VSTM2L: variants seen among roughly 807,000 people sequenced by gnomAD.
VSTM2L encodes V-set and transmembrane domain containing 2 like.
A neutral mutation model predicts 19.9 loss-of-function variants in VSTM2L; 9 were observed. The ratio of observed to expected loss-of-function variants is 0.45; its 90% CI spans 0.27 to 0.79. The LOEUF is 0.79. VSTM2L is among the 30% of genes least tolerant of loss of function. VSTM2L has a pLI of 0.15. For missense variants in VSTM2L, 286 were observed against 295.5 expected, an observed-to-expected ratio of 0.97 and a Z score of 0.24; for synonymous variants, 127 against 133.8, an observed-to-expected ratio of 0.95 and a Z score of 0.35.
intron 1 of VSTM2L, among the ~76,000 whole-genome samples, chr20:37,930,823 T>A (rs1460854876): frequency 1.3e-5 from 2 of 152,104 alleles, no homozygotes; most frequent in African/African-American, 4.8e-5. Context: ...ACCCATTCCA[T>A]CCGCCGAGCA....
At chr20:37,936,788 C>T (rs868744512) in intron 3 of VSTM2L, among the ~76,000 whole-genome samples, 35 of 152,182 alleles carry the variant, frequency 2.3e-4, no homozygotes, top group African/African-American at 8.0e-4. Context: ...TATATGAAAA[C>T]GCTTTGGAAA....
At position 37,913,992 on chromosome 20, in the gene VSTM2L, G is replaced by A. The variant is rs118089591; in HGVS notation, c.121+10521G>A. On this transcript the variant is annotated intron_variant, in intron 1 of 3. Coordinates refer to ENST00000373461, the MANE Select transcript of VSTM2L (RefSeq NM_080607.3). ...TGGATGCGGGCGTGCACGGACAGGA[G>A]AGGCTGCTCCCGGGAAGGCGCTGAG... 6.1e-3 allele frequency among the ~76,000 whole-genome samples: 930 copies of A among 152,244 alleles called. 4 individuals carry two copies. Among genetic ancestry groups the A allele is most frequent in the Middle Eastern group, 0.014 (4 of 294 alleles).
chr20:37,923,820 C>T (rs2072865443), intron 1 of VSTM2L, among the ~76,000 whole-genome samples: 1 of 152,222 alleles, frequency 6.6e-6, no homozygotes, highest in South Asian at 2.1e-4. Flanking sequence ...ACCATTTACT[C>T]AGTCTGTGGC....
At chr20:37,931,607 G>A (rs377100539) in intron 1 of VSTM2L, 28 bp from the exon 2 acceptor site, 441 of 1,550,432 alleles carry the variant, frequency 2.8e-4, no homozygotes, top group Non-Finnish European at 3.7e-4. Flanking sequence ...CCTGAGCCCC[G>A]CCATTCTTCC....
intron 3 of VSTM2L, among the ~76,000 whole-genome samples, chr20:37,938,404 T>A (rs916451949): frequency 4.6e-5 from 7 of 152,176 alleles, no homozygotes; most frequent in African/African-American, 1.7e-4. Flanking sequence ...GGGCCCAGCC[T>A]GGGGCAGGAG....
chr20:37,930,741 C>A (rs935931753), intron 1 of VSTM2L, among the ~76,000 whole-genome samples: 1 of 152,072 alleles, frequency 6.6e-6, no homozygotes, highest in Non-Finnish European at 1.5e-5. Context: ...GAGAGCTGGG[C>A]TCTGCATGGG....
intron 1 of VSTM2L, among the ~76,000 whole-genome samples, chr20:37,929,806 G>T (rs1213272248): frequency 6.6e-6 from 1 of 151,956 alleles, no homozygotes; most frequent in Non-Finnish European, 1.5e-5. Context: ...AAGGGAGAGT[G>T]GAGGGAGGGA....
intron 3 of VSTM2L, among the ~76,000 whole-genome samples, chr20:37,938,754 G>A (rs140929973): frequency 6.6e-6 from 1 of 152,238 alleles, no homozygotes; most frequent in Admixed American, 6.5e-5. Flanking sequence ...GCCATGCGGG[G>A]GTCCCTTTCT....
At position 37,932,586 on chromosome 20, in the gene VSTM2L, T is replaced by G. The variant is rs2072916978; in HGVS notation, c.291+782T>G. On this transcript the variant is annotated intron_variant, in intron 2 of 3. Coordinates refer to ENST00000373461, the MANE Select transcript of VSTM2L (RefSeq NM_080607.3). Reference sequence around the variant, plus strand: ...GCATATTCTTCACTGTTTCACCAAGTGCCCAGTGGGACGAAGCTCCAATTG... The same window carrying G: ...GCATATTCTTCACTGTTTCACCAAGGGCCCAGTGGGACGAAGCTCCAATTG... 1.3e-5 allele frequency among the ~76,000 whole-genome samples: 2 copies of G among 152,160 alleles called. 1 individual carries two copies.
chr20:37,914,110 G>A (rs2072796291), intron 1 of VSTM2L, among the ~76,000 whole-genome samples: 1 of 151,898 alleles, frequency 6.6e-6, no homozygotes, highest in Non-Finnish European at 1.5e-5. Flanking sequence ...GAAAAAGAGG[G>A]AATTGTGTGT....
At position 37,944,026 on chromosome 20, in the gene VSTM2L, T is replaced by A; in HGVS notation, c.388T>A (p.Ser130Thr). ...GSNISHKLRL[S>T]RVKPTDEGTY... ...CAACATCTCCCACAAGCTGCGCCTG[T>A]CCCGGGTGAAGCCCACGGACGAAGG... Residue 130 changes from serine to threonine, a missense_variant, in exon 4 of 4, where the codon TCC (serine) becomes ACC (threonine). By Grantham distance (58) the Ser-to-Thr change is moderately conservative. Transcript: ENST00000373461. 1 of 1,606,126 alleles carries A rather than the reference T, an allele frequency of 6.2e-7. No homozygotes were observed. Among genetic ancestry groups the A allele is most frequent in the Non-Finnish European group, 8.5e-7 (1 of 1,174,920 alleles).
intron 1 of VSTM2L, among the ~76,000 whole-genome samples, chr20:37,919,085 C>A (rs1425949932): frequency 2.6e-5 from 4 of 152,166 alleles, no homozygotes; most frequent in Non-Finnish European, 4.4e-5. Flanking sequence ...TCTGTGGCAT[C>A]CTGGGAAGCC....
At chr20:37,906,233 C>T (rs889545219) in intron 1 of VSTM2L, among the ~76,000 whole-genome samples, 13 of 152,112 alleles carry the variant, frequency 8.5e-5, no homozygotes, top group Non-Finnish European at 8.8e-5. Context: ...TCAGAAAGGA[C>T]ATCTGTTTTG....
chr20:37,917,525 C>A (rs6021854), intron 1 of VSTM2L, among the ~76,000 whole-genome samples: 41,007 of 151,966 alleles, frequency 0.27, 7,196 homozygotes, highest in African/African-American at 0.5. Context: ...TCTTCACTTG[C>A]ATTTGCCCAT....
intron 3 of VSTM2L, among the ~76,000 whole-genome samples, chr20:37,934,127 G>A (rs117435593): frequency 0.025 from 3,786 of 152,346 alleles, 61 homozygotes; most frequent in Non-Finnish European, 0.042. Context: ...AGGCTCAGGA[G>A]GTCAGGGACT....
At chr20:37,936,517 T>A (rs893053993) in intron 3 of VSTM2L, among the ~76,000 whole-genome samples, 1 of 152,138 alleles carries the variant, frequency 6.6e-6, no homozygotes, top group African/African-American at 2.4e-5. Flanking sequence ...TGTGATCAAA[T>A]AATAATGGTC....
intron 1 of VSTM2L, among the ~76,000 whole-genome samples, chr20:37,924,922 G>A (rs2072871885): frequency 6.6e-6 from 1 of 152,268 alleles, no homozygotes; most frequent in East Asian, 1.9e-4. Context: ...ATCCTGGTAG[G>A]GGCTGGCAGA....
rs2072731501 is a variant in VSTM2L at position 37,903,286 on chromosome 20, C to A, written c.-65C>A. The A allele has an allele frequency of 1.5e-6, 2 of 1,330,204 alleles. No homozygotes were observed. The highest frequency in any genetic ancestry group is 3.2e-5 in the East Asian group (1 of 31,176). The allele number at this position is 1,330,204 out of a possible 1,614,324, so 82.4% of individuals were successfully genotyped here. A position where few individuals can be genotyped will look rare whatever the true frequency, so the allele number is the denominator to read the frequency against. ...GCCGCTCAGGGCAGGGGACAGCTGG[C>A]GCCGGTTCTGCGGTCTCCGGGGCCC... is the stretch of plus-strand genomic sequence containing the variant. On this transcript the variant is annotated 5_prime_UTR_variant, in exon 1 of 4. Coordinates refer to ENST00000373461, the MANE Select transcript of VSTM2L (RefSeq NM_080607.3).
intron 3 of VSTM2L, among the ~76,000 whole-genome samples, chr20:37,939,445 G>A (rs528232508): frequency 6.6e-6 from 1 of 151,906 alleles, no homozygotes; most frequent in African/African-American, 2.4e-5. Context: ...AAGAAAGAAC[G>A]AAAGAAAGAA....
Sources: gnomAD v4.1 joint callset for allele counts (sites outside exome capture counted in the v4.1 genomes callset) on GRCh38, gnomAD v4.1.1 for gene constraint, MANE v1.5 for transcripts, NCBI Gene and HGNC (gene_info 2026-07-23, HGNC 2026-07-21) for gene names.